CUBN: variants seen among roughly 807,000 people sequenced by gnomAD.
CUBN encodes the protein cubilin, also known as 460 kDa receptor.
Under a neutral mutation model 405.3 loss-of-function variants are expected in CUBN, and 282 were observed. The ratio of observed to expected loss-of-function variants is 0.70; its 90% CI spans 0.63 to 0.77. The LOEUF (loss-of-function observed/expected upper bound fraction) is 0.77, where lower values mean the gene tolerates loss of function less well. Among genes scored for constraint, CUBN ranks in the 30% least tolerant of loss-of-function variants. The pLI, the probability that CUBN is intolerant of heterozygous loss-of-function variation, is 0.00. For synonymous variants in CUBN, 1,684 were observed against 1,617.0 expected (o/e 1.04, Z -0.99); for missense variants, 4,514 against 4,475.2 (o/e 1.01, Z -0.25).
At chr10:16,986,851 G>A (rs1400612218) in intron 29 of CUBN, among the ~76,000 whole-genome samples, 1 of 152,112 alleles carries the variant, frequency 6.6e-6, no homozygotes, top group Non-Finnish European at 1.5e-5. Context: ...ACCACTGAAC[G>A]CCAAGTGTTA....
At chr10:16,889,956 G>GAAT (rs1840952263) in intron 55 of CUBN, among the ~76,000 whole-genome samples, 2 of 131,742 alleles carry the variant, frequency 1.5e-5, no homozygotes, top group Non-Finnish European at 3.0e-5. Flanking sequence ...AAAAAAAACA[G>GAAT]GAAAGACTTC....
chr10:17,000,934 G>A (rs1833860329), intron 28 of CUBN, among the ~76,000 whole-genome samples: 1 of 152,222 alleles, frequency 6.6e-6, no homozygotes, highest in South Asian at 2.1e-4. Context: ...CAAGAATGAA[G>A]CCACGGACCT....
chr10:16,853,238 A>G (rs949037909), intron 59 of CUBN, among the ~76,000 whole-genome samples: 1 of 152,176 alleles, frequency 6.6e-6, no homozygotes, highest in Non-Finnish European at 1.5e-5. Flanking sequence ...AAATAGCCCT[A>G]GTAGGAACAG....
At chr10:16,993,377 C>T (rs1327481838) in intron 28 of CUBN, among the ~76,000 whole-genome samples, 1 of 152,122 alleles carries the variant, frequency 6.6e-6, no homozygotes, top group Non-Finnish European at 1.5e-5. Flanking sequence ...TTTCCATTGT[C>T]TTTTCCAATT....
intron 17 of CUBN, among the ~76,000 whole-genome samples, chr10:17,077,476 C>T (rs1220729738): frequency 6.6e-6 from 1 of 152,168 alleles, no homozygotes; most frequent in Non-Finnish European, 1.5e-5. Context: ...TTAATACGCA[C>T]GCTCATTTGT....
At chr10:16,967,795 CGGAGAGAGAAAGAAGGAGAGACAGAG>C (rs1843434734) in intron 31 of CUBN, among the ~76,000 whole-genome samples, 3 of 113,186 alleles carry the variant, frequency 2.7e-5, no homozygotes, top group Non-Finnish European at 5.4e-5. Context: ...GAAGGAGAGA[CGGAGAGAGAAAGAAGGAGAGACAGAG>C]GGAGAGAGAG....
chr10:16,961,567 G>A (rs1036027356), intron 31 of CUBN, among the ~76,000 whole-genome samples: 6 of 152,032 alleles, frequency 3.9e-5, no homozygotes, highest in Admixed American at 1.3e-4. Flanking sequence ...CGGTAATGTG[G>A]GAAAATAAAG....
intron 48 of CUBN, among the ~76,000 whole-genome samples, chr10:16,911,355 G>A (rs1034618753): frequency 1.3e-5 from 2 of 152,160 alleles, no homozygotes; most frequent in Non-Finnish European, 1.5e-5. Context: ...TTTGGGAGAC[G>A]ATTGGGAAAG....
intron 45 of CUBN, 144 bp downstream of exon 45, chr10:16,918,478 G>C (rs1400600164): frequency 1.6e-6 from 1 of 621,360 alleles, no homozygotes; most frequent in East Asian, 2.9e-5. Context: ...GAGAAGAGCA[G>C]AAAAAATAAC....
intron 31 of CUBN, among the ~76,000 whole-genome samples, chr10:16,969,308 G>C (rs1843485687): frequency 6.6e-6 from 1 of 151,858 alleles, no homozygotes; most frequent in African/African-American, 2.4e-5. Context: ...GCGATATAAA[G>C]ACTACTGCTG....
intron 59 of CUBN, among the ~76,000 whole-genome samples, chr10:16,854,327 G>A (rs1441175105): frequency 1.3e-5 from 2 of 152,220 alleles, no homozygotes; most frequent in Non-Finnish European, 1.5e-5. Context: ...ACAGGATGGG[G>A]TCTTCTACAG....
intron 39 of CUBN, among the ~76,000 whole-genome samples, chr10:16,933,931 AC>A (rs1451877167): frequency 1.1e-4 from 17 of 152,314 alleles, no homozygotes; most frequent in African/African-American, 4.1e-4. Flanking sequence ...GACCCCAGGG[AC>A]AGGGCTGTTT....
chr10:17,068,604 C>T lies in CUBN; in HGVS notation c.2791+1G>A. On this transcript the variant is annotated splice_donor_variant, in intron 20 of 66. Transcript: ENST00000377833. LOFTEE classifies it high-confidence loss of function. ...AAAAAAAAAAGGGAACAGTCTCTTA[C>T]CCAAATCCTCAGCACTGAACTTAGC... The T allele has an allele frequency of 6.2e-7, 1 of 1,609,674 alleles. No homozygotes were observed. Among genetic ancestry groups the T allele is most frequent in the Non-Finnish European group, 8.5e-7 (1 of 1,177,100 alleles).
chr10:16,875,327 G>C (rs767312115), intron 57 of CUBN, among the ~76,000 whole-genome samples: 18 of 152,114 alleles, frequency 1.2e-4, no homozygotes, highest in Non-Finnish European at 2.4e-4. Flanking sequence ...ACCTCCTGAT[G>C]ATCACTCTCC....
At chr10:16,875,340 G>A (rs571727553) in intron 57 of CUBN, among the ~76,000 whole-genome samples, 77 of 152,300 alleles carry the variant, frequency 5.1e-4, no homozygotes, top group Non-Finnish European at 7.6e-4. Flanking sequence ...CACTCTCCCT[G>A]CAGTGGAAAG....
intron 66 of CUBN, 126 bp downstream of exon 66, chr10:16,828,679 A>G (rs1838870768): frequency 2.6e-6 from 2 of 760,890 alleles, no homozygotes; most frequent in Admixed American, 4.2e-5. Context: ...GATTGCGCGC[A>G]CCACTGCACT....
At chr10:16,999,921 C>T (rs1001694528) in intron 28 of CUBN, among the ~76,000 whole-genome samples, 2 of 152,150 alleles carry the variant, frequency 1.3e-5, no homozygotes, top group Non-Finnish European at 2.9e-5. Flanking sequence ...GGACTCCACC[C>T]GGAGAAATGG....
chr10:17,114,219 A>C, intron 7 of CUBN, 30 bp from the exon 8 acceptor site: 1 of 1,610,820 alleles, frequency 6.2e-7, no homozygotes, highest in African/African-American at 1.3e-5. Flanking sequence ...GTGAATAAAG[A>C]CAATCATGAA....
chr10:17,075,073 CTTTTTTTTTTTTTT>C (rs957929670), intron 17 of CUBN, among the ~76,000 whole-genome samples: 8 of 65,320 alleles, frequency 1.2e-4, no homozygotes, highest in African/African-American at 3.2e-4. Flanking sequence ...TCTTTGTTTT[CTTTTTTTTTTTTTT>C]TTTTTTTTTT....
Sources: allele counts gnomAD v4.1 joint callset (sites outside exome capture counted in the v4.1 genomes callset), GRCh38; gene constraint gnomAD v4.1.1; transcripts MANE v1.5; gene names NCBI Gene and HGNC (gene_info 2026-07-23, HGNC 2026-07-21).